The following DLGAP1 variants were observed in gnomAD, a reference collection of about 807,000 sequenced individuals.
DLGAP1 encodes DLG associated protein 1, also known as disks large-associated protein 1.
In DLGAP1, 11 loss-of-function variants were observed where a neutral mutation model predicts 90.8. The ratio of observed to expected loss-of-function variants is 0.12; its 90% CI spans 0.08 to 0.20. The LOEUF (loss-of-function observed/expected upper bound fraction) is 0.20, where lower values mean the gene tolerates loss of function less well. DLGAP1 is among the 10% of genes least tolerant of loss of function. DLGAP1 has a pLI of 1.00. For synonymous variants in DLGAP1, 558 were observed against 540.7 expected, an observed-to-expected ratio of 1.03 and a Z score of -0.44; for missense variants, 1,050 against 1,333.8, an observed-to-expected ratio of 0.79 and a Z score of 3.31.
At chr18:3,810,276 G>A (rs2066766717) in intron 5 of DLGAP1, among the ~76,000 whole-genome samples, 2 of 152,052 alleles carry the variant, frequency 1.3e-5, no homozygotes, top group Non-Finnish European at 2.9e-5. Context: ...TATGTCTGAG[G>A]ACCCAATAAC....
Position 3,729,080 on chromosome 18 carries a change from C to A in DLGAP1, c.1591+55G>T. On this transcript the variant is annotated intron_variant, in intron 7 of 12. Transcript: ENST00000315677. The surrounding 1 kb of genome is among the most constrained non-coding windows in gnomAD (Gnocchi z 6.2). ...ACAGCAAGGGCACAGTCTTTGGGGA[C>A]AGTCGTGCCATAGCCAGCACAGGGG... 1.3e-6 allele frequency: 2 copies of A among 1,547,744 alleles called. No individual in the cohort carries two copies. Among genetic ancestry groups the A allele is most frequent in the South Asian group, 1.2e-5 (1 of 82,536 alleles).
At chr18:4,392,595 AC>A (rs1291129939) in intron 1 of DLGAP1, among the ~76,000 whole-genome samples, 3 of 152,192 alleles carry the variant, frequency 2.0e-5, no homozygotes, top group African/African-American at 7.2e-5. Context: ...TGGCTGATCC[AC>A]CTACTCAAAG....
At position 4,311,808 on chromosome 18, in the gene DLGAP1, C is replaced by T. The variant is rs1029177580; in HGVS notation, c.-267+143198G>A. ...TCGGCTCACTGCAACCTCCACCTCC[C>T]GGGTTCAAGCAATTCTCCTGTCTCA... On this transcript the variant is annotated intron_variant, in intron 1 of 12. Transcript: ENST00000315677. 8.5e-5 allele frequency among the ~76,000 whole-genome samples: 13 copies of T among 152,210 alleles called. No homozygotes were observed. The East Asian group carries it at 9.7e-4, about 11-fold the overall frequency.
At chr18:3,815,437 C>T (rs927691837) in intron 4 of DLGAP1, among the ~76,000 whole-genome samples, 6 of 152,102 alleles carry the variant, frequency 3.9e-5, no homozygotes, top group South Asian at 4.1e-4. Flanking sequence ...ACACAAATAA[C>T]ACCTCTTTGC....
At chr18:3,880,573 G>A (rs1027562130) in intron 3 of DLGAP1, among the ~76,000 whole-genome samples, 5 of 152,150 alleles carry the variant, frequency 3.3e-5, no homozygotes, top group African/African-American at 4.8e-5. Context: ...TATTGGAAGA[G>A]CTCTGTCACC....
Position 3,582,231 on chromosome 18 carries a change from T to C in DLGAP1, c.1609A>G (p.Thr537Ala). 2 of 1,612,986 alleles carry C rather than the reference T, an allele frequency of 1.2e-6. No homozygotes were observed. Among genetic ancestry groups the C allele is most frequent in the Non-Finnish European group, 8.5e-7 (1 of 1,179,278 alleles). The change falls in exon 8 of 13, where the codon ACA (threonine) becomes GCA (alanine). Residue 537 changes from threonine (T) to alanine (A), a missense_variant. Coordinates refer to ENST00000315677, the MANE Select transcript of DLGAP1 (RefSeq NM_004746.4). ...ACTGGAGGTGGTGTCTTCTTATATG[T>C]TGTAATGCAAGATGACACTGGAAGA... ...QSSTVSSCIT[T>A]YKKTPPPVPP...
rs112480715 is a variant in DLGAP1 at position 3,857,111 on chromosome 18, T to A, written c.957+22001A>T. ...GACCCAGACATTTGTGATGTCTCCATCTGAAAATAACAAAAAGAGCCGAAA... is the reference window on the plus strand; with the variant it reads ...GACCCAGACATTTGTGATGTCTCCAACTGAAAATAACAAAAAGAGCCGAAA... On this transcript the variant is annotated intron_variant, in intron 4 of 12. Coordinates refer to ENST00000315677, the MANE Select transcript of DLGAP1 (RefSeq NM_004746.4). 6.4e-4 allele frequency among the ~76,000 whole-genome samples: 97 copies of A among 152,234 alleles called. 1 individual carries two copies. The highest frequency in any genetic ancestry group is 2.2e-3 in the African/African-American group (91 of 41,548).
intron 7 of DLGAP1, among the ~76,000 whole-genome samples, chr18:3,707,810 A>G (rs914900692): frequency 6.6e-6 from 1 of 152,108 alleles, no homozygotes; most frequent in African/African-American, 2.4e-5. Context: ...CTTTGGTCAC[A>G]TTAAACGGGC....
chr18:4,360,543 A>G (rs1258082768), intron 1 of DLGAP1, among the ~76,000 whole-genome samples: 1 of 152,228 alleles, frequency 6.6e-6, no homozygotes, highest in Non-Finnish European at 1.5e-5. Flanking sequence ...AACATAGATA[A>G]ATAAAGCAAG....
At position 4,378,243 on chromosome 18, in the gene DLGAP1, T is replaced by A. The variant is rs185978683; in HGVS notation, c.-267+76763A>T. ...TGGAATGGGGAAGCCAGGAAAGAGG[T>A]AAGAATAAAAGTCTTCGCATTTTAC... On this transcript the variant is annotated intron_variant, in intron 1 of 12. Transcript: ENST00000315677. The surrounding 1 kb of genome is among the most constrained non-coding windows in gnomAD (Gnocchi z 4.5). Among the ~76,000 whole-genome samples, 227 of 151,672 alleles carry A rather than the reference T, an allele frequency of 1.5e-3. 2 individuals are homozygous for A. Among genetic ancestry groups the A allele is most frequent in the African/African-American group, 5.2e-3 (216 of 41,452 alleles).
intron 5 of DLGAP1, among the ~76,000 whole-genome samples, chr18:3,781,935 A>G (rs1328076757): frequency 6.6e-6 from 1 of 152,144 alleles, no homozygotes; most frequent in Non-Finnish European, 1.5e-5. Context: ...TTGATTAAAC[A>G]TGCTTGATTT....
chr18:3,998,249 A>C (rs2315255), intron 3 of DLGAP1, among the ~76,000 whole-genome samples: 144,934 of 152,190 alleles, frequency 0.95, 69,015 homozygotes, highest in East Asian at 1. Flanking sequence ...GAAGTTAGGA[A>C]AAATGTTTGA....
chr18:3,707,518 T>G (rs541513991), intron 7 of DLGAP1, among the ~76,000 whole-genome samples: 1 of 151,694 alleles, frequency 6.6e-6, no homozygotes, highest in Non-Finnish European at 1.5e-5. Flanking sequence ...GAGAATTGCT[T>G]GAATCTGGGA....
At chr18:4,364,597 A>T (rs1655986571) in intron 1 of DLGAP1, among the ~76,000 whole-genome samples, 1 of 152,108 alleles carries the variant, frequency 6.6e-6, no homozygotes, top group Admixed American at 6.5e-5. Context: ...TAGTTTAAAA[A>T]AAAATCCAAC....
At chr18:4,026,947 G>A (rs762294835) in intron 2 of DLGAP1, among the ~76,000 whole-genome samples, 8 of 151,970 alleles carry the variant, frequency 5.3e-5, no homozygotes, top group Non-Finnish European at 8.8e-5. Context: ...AGGGAGGCTC[G>A]GCCTGAATAA....
intron 7 of DLGAP1, among the ~76,000 whole-genome samples, chr18:3,673,807 A>G (rs2060187166): frequency 2.0e-5 from 3 of 149,838 alleles, no homozygotes; most frequent in Admixed American, 2.0e-4. Context: ...CGGCCTCCCA[A>G]AGTGCTGGGA....
intron 1 of DLGAP1, among the ~76,000 whole-genome samples, chr18:4,185,450 C>T (rs1214130233): frequency 2.0e-5 from 3 of 152,010 alleles, no homozygotes; most frequent in African/African-American, 7.2e-5. Context: ...CTTTCATTCG[C>T]CTCTGTATTT....
At chr18:4,265,146 CCCATCCTCT>C (rs1568479769) in intron 1 of DLGAP1, among the ~76,000 whole-genome samples, 4 of 137,320 alleles carry the variant, frequency 2.9e-5, no homozygotes, top group African/African-American at 8.5e-5. Context: ...CTCCCTCCCT[CCCATCCTCT>C]CTTCCTCCCT....
In DLGAP1 at chr18:3,499,018, A is replaced by AG. The variant is rs1327093636; in HGVS notation, c.*166dup. On this transcript the variant is annotated 3_prime_UTR_variant, in exon 13 of 13. Transcript: ENST00000315677. The surrounding 1 kb of genome is among the most constrained non-coding windows in gnomAD (Gnocchi z 6.4). The stretch of plus-strand genomic sequence containing the variant: ...AACGGGTACGGGAAGTGGGGGGCTG[A>AG]GGGGGGCCCGGGGGGCGGCTCCTGC... 7 of 549,530 alleles carry AG rather than the reference A, an allele frequency of 1.3e-5. No homozygotes were observed. Among genetic ancestry groups the AG allele is most frequent in the South Asian group, 2.2e-5 (1 of 44,706 alleles). 34.0% of individuals were successfully genotyped at this position (549,530 alleles called of 1,614,324 possible).
Sources: gnomAD v4.1 joint callset for allele counts (sites outside exome capture counted in the v4.1 genomes callset) on GRCh38, gnomAD v4.1.1 for gene constraint, Gnocchi (gnomAD v3.1) non-coding constraint, MANE v1.5 for transcripts, NCBI Gene and HGNC (gene_info 2026-07-23, HGNC 2026-07-21) for gene names.